The following CCDC93 variants were observed in gnomAD, a reference collection of about 807,000 sequenced individuals.
CCDC93 encodes the protein coiled-coil domain-containing protein 93.
Under a neutral mutation model 108.2 loss-of-function variants are expected in CCDC93, and 61 were observed. The observed-to-expected ratio is 0.56, with a 90% CI of 0.46 to 0.70. CCDC93 has a LOEUF of 0.70. Ranked by LOEUF, CCDC93 falls within the 30% of genes least tolerant of loss-of-function variation. The pLI is 0.00. For synonymous variants in CCDC93, 276 were observed against 260.4 expected (o/e 1.06, Z -0.58); for missense variants, 685 against 764.2 (o/e 0.90, Z 1.22).
intron 1 of CCDC93, chr2:118,013,031 G>A (rs945410390): frequency 1.3e-5 from 2 of 152,232 alleles, no homozygotes; most frequent in African/African-American, 2.4e-5. Context: ...CAGAGGTGCG[G>A]CGTGGCTTCC....
At position 117,920,226 on chromosome 2, in the gene CCDC93, T is replaced by C. The variant is rs1677814030; in HGVS notation, c.*117A>G. 3.2e-6 allele frequency: 2 copies of C among 628,716 alleles called. No individual in the cohort carries two copies. The highest frequency in any genetic ancestry group is 2.3e-5 in the South Asian group (1 of 42,952). The allele number at this position is 628,716 out of a possible 1,614,324, so 38.9% of individuals were successfully genotyped here. A position where few individuals can be genotyped will look rare whatever the true frequency, so the allele number is the denominator to read the frequency against. On this transcript the variant is annotated 3_prime_UTR_variant, in exon 24 of 24. Transcript: ENST00000376300. Reference sequence around the variant, plus strand: ...AGGAGAAAGAAAACATCCAGGTTGTTGAAATCATCACAACTGCATCTCTCT... The same window carrying C: ...AGGAGAAAGAAAACATCCAGGTTGTCGAAATCATCACAACTGCATCTCTCT...
intron 23 of CCDC93, among the ~76,000 whole-genome samples, chr2:117,928,741 C>G (rs1226720477): frequency 6.6e-6 from 1 of 152,098 alleles, no homozygotes; most frequent in Non-Finnish European, 1.5e-5. Flanking sequence ...ACCATTTGAC[C>G]CAGCCATCCC....
chr2:117,945,495 A>G (rs1268729062), intron 17 of CCDC93, 34 bp downstream of exon 17: 1 of 1,596,536 alleles, frequency 6.3e-7, no homozygotes, highest in South Asian at 1.1e-5. Flanking sequence ...TGCCCTCAGG[A>G]GACAATGCCA....
Position 117,920,284 on chromosome 2 carries a change from T to C in CCDC93, c.*59A>G. ...CTTTCAGAACCATTTCATGATCTTG[T>C]AGGTGATATACGGTGCTTAAAAGTA... On this transcript the variant is annotated 3_prime_UTR_variant, in exon 24 of 24. Coordinates refer to ENST00000376300, the MANE Select transcript of CCDC93 (RefSeq NM_019044.5). 1 of 1,114,200 alleles carries C rather than the reference T, an allele frequency of 9.0e-7. No homozygotes were observed. The highest frequency in any genetic ancestry group is 1.5e-5 in the African/African-American group (1 of 65,352). 69.0% of individuals were successfully genotyped at this position (1,114,200 alleles called of 1,614,324 possible). A position where few individuals can be genotyped will look rare whatever the true frequency, so the allele number is the denominator to read the frequency against.
rs944226840 is a variant in CCDC93 at position 118,000,737 on chromosome 2, C to G, written c.363+84G>C. 48 of 817,216 alleles carry G rather than the reference C, an allele frequency of 5.9e-5. No homozygotes were observed. In the South Asian group the frequency reaches 6.9e-4, roughly 12 times the overall value. 50.6% of individuals were successfully genotyped at this position (817,216 alleles called of 1,614,324 possible). A position where few individuals can be genotyped will look rare whatever the true frequency, so the allele number is the denominator to read the frequency against. On this transcript the variant is annotated intron_variant, in intron 4 of 23. Coordinates refer to ENST00000376300, the MANE Select transcript of CCDC93 (RefSeq NM_019044.5). ...CACCCATTACATTCAGGATCCAGGACAGACGGACCCATTACAGGACAAGCC... is the reference window on the plus strand; with the variant it reads ...CACCCATTACATTCAGGATCCAGGAGAGACGGACCCATTACAGGACAAGCC...
At chr2:117,933,498 G>A (rs1187053300) in intron 22 of CCDC93, among the ~76,000 whole-genome samples, 3 of 152,258 alleles carry the variant, frequency 2.0e-5, no homozygotes, top group South Asian at 4.2e-4. Flanking sequence ...TCTGAGTGAG[G>A]TCGAAATGCT....
chr2:117,961,176 A>T (rs1009484735), intron 11 of CCDC93, among the ~76,000 whole-genome samples: 3 of 152,122 alleles, frequency 2.0e-5, no homozygotes, highest in African/African-American at 7.2e-5. Context: ...GTTCTTTCTC[A>T]TTCTGCTCTT....
At chr2:117,941,355 C>A in intron 18 of CCDC93, 58 bp from the exon 19 acceptor site, 2 of 1,393,828 alleles carry the variant, frequency 1.4e-6, no homozygotes, top group Non-Finnish European at 2.0e-6. Context: ...TACATGTTCT[C>A]TAGGGAGCCA....
chr2:117,948,007 A>T, intron 15 of CCDC93, 98 bp downstream of exon 15: 1 of 985,234 alleles, frequency 1.0e-6, no homozygotes, highest in Non-Finnish European at 1.6e-6. Context: ...TCTGCTTTTT[A>T]AACTGCACTG....
chr2:117,923,837 G>GT (rs1677977697), intron 23 of CCDC93, among the ~76,000 whole-genome samples: 1 of 5,874 alleles, frequency 1.7e-4, no homozygotes, highest in African/African-American at 7.4e-4. Context: ...GCTTCCTCAT[G>GT]TGGTCCCTGA....
rs897091782 is a variant in CCDC93 at position 117,933,500 on chromosome 2, C to T, written c.1728+1995G>A. Among the ~76,000 whole-genome samples the T allele has an allele frequency of 3.3e-5, 5 of 152,128 alleles. No homozygotes were observed. In the East Asian group the frequency reaches 9.7e-4, roughly 29 times the overall value. The stretch of plus-strand genomic sequence containing the variant: ...AGACCTTAACTCCTCTGAGTGAGGT[C>T]GAAATGCTGACTGATATGTGACCTC... On this transcript the variant is annotated intron_variant, in intron 22 of 23. Coordinates refer to ENST00000376300, the MANE Select transcript of CCDC93 (RefSeq NM_019044.5).
chr2:117,948,214 TA>T (rs1241616863), intron 14 of CCDC93, 28 bp from the exon 15 acceptor site: 2 of 1,524,608 alleles, frequency 1.3e-6, no homozygotes, highest in African/African-American at 2.7e-5. Flanking sequence ...AAAAATGACA[TA>T]TGGCAGGCCA....
chr2:117,951,533 T>C (rs1265470802), intron 13 of CCDC93: 3 of 997,160 alleles, frequency 3.0e-6, no homozygotes, highest in African/African-American at 3.5e-5. Context: ...TCTAGAAAAG[T>C]AGGGATACTG....
chr2:117,988,425 T>G (rs1050044217), intron 6 of CCDC93, among the ~76,000 whole-genome samples: 1 of 152,166 alleles, frequency 6.6e-6, no homozygotes, highest in African/African-American at 2.4e-5. Context: ...ATTGAAATAA[T>G]GGAGCAGGCA....
At chr2:117,932,657 G>C (rs1678383003) in intron 22 of CCDC93, among the ~76,000 whole-genome samples, 1 of 152,076 alleles carries the variant, frequency 6.6e-6, no homozygotes, top group Non-Finnish European at 1.5e-5. Flanking sequence ...GTCCCCTCTG[G>C]GGTGTCCTAC....
rs1156521118 is a variant in CCDC93, at chr2:118,008,746, C to T, written c.43-88G>A. On this transcript the variant is annotated intron_variant, in intron 1 of 23. Coordinates refer to ENST00000376300, the MANE Select transcript of CCDC93 (RefSeq NM_019044.5). ...ATCCCCTGATGCCACAAGCTCATTG[C>T]CAAGGAGTAGATGACATTGGCTACA... 6.4e-6 allele frequency: 5 copies of T among 776,798 alleles called. No homozygotes were observed. In the East Asian group the frequency reaches 7.4e-5, roughly 11 times the overall value. 48.1% of individuals were successfully genotyped at this position (776,798 alleles called of 1,614,324 possible). A position where few individuals can be genotyped will look rare whatever the true frequency, so the allele number is the denominator to read the frequency against.
intron 6 of CCDC93, among the ~76,000 whole-genome samples, chr2:117,988,990 A>T (rs1680399480): frequency 6.6e-6 from 1 of 152,224 alleles, no homozygotes; most frequent in African/African-American, 2.4e-5. Flanking sequence ...TGAGGGTTAT[A>T]TAAATGAGCT....
intron 2 of CCDC93, among the ~76,000 whole-genome samples, chr2:118,007,397 C>T (rs948925007): frequency 2.6e-5 from 4 of 152,190 alleles, no homozygotes; most frequent in East Asian, 1.9e-4. Flanking sequence ...TAAGGCTGGG[C>T]GCGGTGGCTC....
rs1478076741 is a variant in CCDC93, at chr2:117,917,489, C to T, written c.*2854G>A. The T allele has an allele frequency of 6.6e-6, 1 of 152,638 alleles. No individual in the cohort carries two copies. The highest frequency in any genetic ancestry group is 1.9e-4 in the East Asian group (1 of 5,188). 9.5% of individuals were successfully genotyped at this position (152,638 alleles called of 1,614,324 possible). On this transcript the variant is annotated 3_prime_UTR_variant, in exon 24 of 24. Transcript: ENST00000376300. The stretch of plus-strand genomic sequence containing the variant: ...GGACTCAGCGGACACTGGCAGGACC[C>T]AGCTATCCTGAAAATATTAAGGGCT...
Sources: allele counts gnomAD v4.1 joint callset (sites outside exome capture counted in the v4.1 genomes callset), GRCh38; gene constraint gnomAD v4.1.1; transcripts MANE v1.5; gene names NCBI Gene and HGNC (gene_info 2026-07-23, HGNC 2026-07-21).